The following STPG2 variants were observed in gnomAD, a reference collection of about 807,000 sequenced individuals.
STPG2 encodes sperm tail PG-rich repeat containing 2, also known as sperm-tail PG-rich repeat-containing protein 2.
In STPG2, 56 loss-of-function variants were observed where a neutral mutation model predicts 54.2. The observed-to-expected ratio is 1.03, with a 90% CI of 0.83 to 1.29. STPG2 has a LOEUF of 1.29. Ranked by LOEUF, STPG2 falls within the 50% of genes most tolerant of loss-of-function variation. STPG2 has a pLI of 0.00. For missense variants in STPG2, 596 were observed against 544.9 expected (o/e 1.09, Z -0.93); for synonymous variants, 200 against 181.8 (o/e 1.10, Z -0.81).
At chr4:97,703,755 G>A (rs949359078) in intron 10 of STPG2, among the ~76,000 whole-genome samples, 2 of 131,002 alleles carry the variant, frequency 1.5e-5, no homozygotes, top group Non-Finnish European at 3.3e-5. Flanking sequence ...TATATATATA[G>A]TATATTAGCA....
intron 9 of STPG2, among the ~76,000 whole-genome samples, chr4:97,762,458 G>T (rs1725917092): frequency 6.6e-6 from 1 of 152,084 alleles, no homozygotes; most frequent in Non-Finnish European, 1.5e-5. Context: ...AAGAATGAGA[G>T]TTTTTGGCCT....
At chr4:97,934,232 A>AG (rs1318467418) in intron 8 of STPG2, among the ~76,000 whole-genome samples, 1 of 152,164 alleles carries the variant, frequency 6.6e-6, no homozygotes. Flanking sequence ...GACTTTGCTG[A>AG]AGTTCCTTTC....
Position 97,527,084 on chromosome 4 carries a change from C to T in STPG2, c.462+185615G>A, listed in dbSNP as rs558248953. On this transcript the variant is annotated intron_variant, in intron 4 of 4. Transcript: ENST00000522676. ...TTATATAGGTATACACATGCCATGG[C>T]GGTTTGCTGCACCCATCAACCCGTC... is the stretch of plus-strand genomic sequence containing the variant. Among the ~76,000 whole-genome samples, 631 of 151,520 alleles carry T rather than the reference C, an allele frequency of 4.2e-3. 3 individuals are homozygous for T. The highest frequency in any genetic ancestry group is 0.02 in the South Asian group (94 of 4,796).
At chr4:98,050,381 G>A (rs1337683570) in intron 5 of STPG2, among the ~76,000 whole-genome samples, 1 of 152,106 alleles carries the variant, frequency 6.6e-6, no homozygotes, top group East Asian at 1.9e-4. Context: ...GGCACATGAG[G>A]ATTCATGATA....
chr4:98,022,337 A>G (rs1262382944), intron 5 of STPG2, among the ~76,000 whole-genome samples: 1 of 151,968 alleles, frequency 6.6e-6, no homozygotes, highest in Non-Finnish European at 1.5e-5. Context: ...AGAATGTTGA[A>G]TATTGGCCCC....
chr4:97,634,787 AG>A (rs1266902076), intron 10 of STPG2, among the ~76,000 whole-genome samples: 1 of 151,950 alleles, frequency 6.6e-6, no homozygotes, highest in Non-Finnish European at 1.5e-5. Flanking sequence ...GAAAGTTTAG[AG>A]AAAAAAGAAT....
At chr4:97,605,802 C>T (rs148806653) in intron 10 of STPG2, among the ~76,000 whole-genome samples, 127 of 147,534 alleles carry the variant, frequency 8.6e-4, no homozygotes, top group African/African-American at 3.1e-3. Context: ...ATAATATTTG[C>T]ATTAATACAA....
At chr4:97,905,310 T>A (rs939993728) in intron 8 of STPG2, among the ~76,000 whole-genome samples, 2 of 152,090 alleles carry the variant, frequency 1.3e-5, no homozygotes, top group Non-Finnish European at 2.9e-5. Context: ...TTCAACATTC[T>A]TAAAGAAAAG....
intron 9 of STPG2, among the ~76,000 whole-genome samples, chr4:97,833,015 A>C (rs1009346572): frequency 6.6e-6 from 1 of 152,162 alleles, no homozygotes; most frequent in Non-Finnish European, 1.5e-5. Flanking sequence ...AACTACTTTA[A>C]ATTTCATATG....
chr4:97,730,971 C>A (rs184274462), intron 9 of STPG2, among the ~76,000 whole-genome samples: 126 of 152,218 alleles, frequency 8.3e-4, no homozygotes, highest in African/African-American at 2.8e-3. Flanking sequence ...AGCTTTTGTG[C>A]CATCCAGATT....
chr4:97,447,938 G>T (rs957817543), intron 4 of STPG2, among the ~76,000 whole-genome samples: 4 of 152,150 alleles, frequency 2.6e-5, no homozygotes, highest in African/African-American at 7.2e-5. Context: ...TGGGAAAGCT[G>T]CAGGCACTCA....
intron 5 of STPG2, among the ~76,000 whole-genome samples, chr4:97,982,584 C>T (rs10440329): frequency 0.26 from 39,997 of 152,008 alleles, 5,721 homozygotes; most frequent in Middle Eastern, 0.37. Context: ...CCAAATTCGT[C>T]GGCTGATCTA....
chr4:97,944,342 T>C (rs1440175762), intron 7 of STPG2, among the ~76,000 whole-genome samples: 1 of 151,860 alleles, frequency 6.6e-6, no homozygotes, highest in African/African-American at 2.4e-5. Context: ...GCCAATTATA[T>C]AGTATTATTT....
chr4:97,850,456 AT>A (rs142275693), intron 8 of STPG2, among the ~76,000 whole-genome samples: 3,208 of 150,578 alleles, frequency 0.021, 40 homozygotes, highest in Non-Finnish European at 0.027. Context: ...TAATTTTACC[AT>A]TTTTTTTTGT....
At chr4:97,673,160 A>G (rs1280107037) in intron 10 of STPG2, among the ~76,000 whole-genome samples, 1 of 152,226 alleles carries the variant, frequency 6.6e-6, no homozygotes, top group African/African-American at 2.4e-5. Flanking sequence ...TGCTAAGAAA[A>G]TTACAGGAAA....
intron 7 of STPG2, among the ~76,000 whole-genome samples, chr4:97,948,982 T>A (rs1733357480): frequency 6.6e-6 from 1 of 152,144 alleles, no homozygotes; most frequent in East Asian, 1.9e-4. Flanking sequence ...TCTGTCTCAG[T>A]CATCTGTATA....
intron 9 of STPG2, among the ~76,000 whole-genome samples, chr4:97,735,897 T>G (rs1309831164): frequency 2.6e-5 from 4 of 152,112 alleles, no homozygotes; most frequent in African/African-American, 9.7e-5. Flanking sequence ...TAAGTAGATA[T>G]TTCTCAAAAG....
Position 98,122,920 on chromosome 4 carries a change from T to C in STPG2, c.387+5508A>G, listed in dbSNP as rs9761167. On this transcript the variant is annotated intron_variant, in intron 3 of 10. Transcript: ENST00000295268. Reference sequence around the variant, plus strand: ...GATTCAACTTCTTCCTGGTTCAGTCTTGGGAGGGTGTATGCATCCAGGAAT... The same window carrying C: ...GATTCAACTTCTTCCTGGTTCAGTCCTGGGAGGGTGTATGCATCCAGGAAT... Among the ~76,000 whole-genome samples, 1,001 of 152,308 alleles carry C rather than the reference T, an allele frequency of 6.6e-3. 4 individuals carry two copies. Among genetic ancestry groups the C allele is most frequent in the African/African-American group, 8.5e-3 (354 of 41,576 alleles).
chr4:97,590,308 A>C (rs958856645), intron 10 of STPG2, among the ~76,000 whole-genome samples: 11 of 152,014 alleles, frequency 7.2e-5, no homozygotes, highest in Admixed American at 2.0e-4. Context: ...ACATTTAATA[A>C]AGACTTACGA....
Sources: allele counts gnomAD v4.1 joint callset (sites outside exome capture counted in the v4.1 genomes callset), GRCh38; gene constraint gnomAD v4.1.1; transcripts MANE v1.5; gene names NCBI Gene and HGNC (gene_info 2026-07-23, HGNC 2026-07-21).